Variants in CDH18 observed in about 807,000 individuals in gnomAD.
CDH18 encodes the protein cadherin 18.
Under a neutral mutation model 67.9 loss-of-function variants are expected in CDH18, and 31 were observed. The observed-to-expected ratio is 0.46, with a 90% CI of 0.34 to 0.62. The LOEUF (loss-of-function observed/expected upper bound fraction) is 0.62, where lower values mean the gene tolerates loss of function less well. CDH18 is among the 20% of genes least tolerant of loss of function. CDH18 has a pLI of 0.01. For missense variants in CDH18, 890 were observed against 975.5 expected, an observed-to-expected ratio of 0.91 and a Z score of 1.17; for synonymous variants, 362 against 347.2, an observed-to-expected ratio of 1.04 and a Z score of -0.48.
chr5:19,872,301 A>G (rs1233342146), intron 2 of CDH18, among the ~76,000 whole-genome samples: 2 of 152,170 alleles, frequency 1.3e-5, no homozygotes, highest in African/African-American at 2.4e-5. Context: ...ATACTTGTAT[A>G]TTCTCCTTCC....
intron 8 of CDH18, among the ~76,000 whole-genome samples, chr5:19,570,775 C>T (rs930919114): frequency 1.3e-5 from 2 of 152,170 alleles, no homozygotes; most frequent in Non-Finnish European, 2.9e-5. Flanking sequence ...GCATGATGTA[C>T]TAAACTAATA....
At chr5:19,948,007 G>A (rs1254958751) in intron 2 of CDH18, among the ~76,000 whole-genome samples, 2 of 152,134 alleles carry the variant, frequency 1.3e-5, no homozygotes, top group Non-Finnish European at 2.9e-5. Flanking sequence ...GCAATATACA[G>A]TGAGTACGTA....
chr5:20,201,365 A>T (rs1049329511), intron 2 of CDH18, among the ~76,000 whole-genome samples: 2 of 152,200 alleles, frequency 1.3e-5, no homozygotes, highest in Middle Eastern at 3.2e-3. Flanking sequence ...ATAAGGTCAC[A>T]TTCCTATTTA....
chr5:19,985,992 A>G (rs1047046425), intron 1 of CDH18, among the ~76,000 whole-genome samples: 1 of 152,180 alleles, frequency 6.6e-6, no homozygotes, highest in African/African-American at 2.4e-5. Flanking sequence ...TTAAATACAG[A>G]GCTGTTGGGA....
chr5:19,826,969 G>A (rs1227881866), intron 3 of CDH18, among the ~76,000 whole-genome samples: 22 of 152,042 alleles, frequency 1.4e-4, no homozygotes, highest in Admixed American at 1.2e-3. Flanking sequence ...TCAACTCCAC[G>A]CAGTCAAGAA....
At chr5:20,121,388 T>G (rs1202571853) in intron 2 of CDH18, among the ~76,000 whole-genome samples, 3 of 152,056 alleles carry the variant, frequency 2.0e-5, no homozygotes, top group Non-Finnish European at 2.9e-5. Flanking sequence ...AATGTGTAGA[T>G]TCATGACTTC....
chr5:20,270,159 A>T (rs904539825), intron 1 of CDH18, among the ~76,000 whole-genome samples: 2 of 117,250 alleles, frequency 1.7e-5, no homozygotes, highest in South Asian at 2.7e-4. Flanking sequence ...TTCTTTGTTT[A>T]AAAAAAAAAG....
chr5:19,764,558 T>A (rs541100863), intron 3 of CDH18, among the ~76,000 whole-genome samples: 1 of 151,766 alleles, frequency 6.6e-6, no homozygotes, highest in Non-Finnish European at 1.5e-5. Flanking sequence ...AAACTATGCT[T>A]TAATGACTTA....
At chr5:20,207,451 G>C (rs552075945) in intron 2 of CDH18, among the ~76,000 whole-genome samples, 1 of 152,010 alleles carries the variant, frequency 6.6e-6, no homozygotes, top group East Asian at 1.9e-4. Context: ...CAAGAGACTG[G>C]GCAATTTACA....
chr5:20,385,046 A>G (rs905941534), intron 1 of CDH18, among the ~76,000 whole-genome samples: 2 of 152,112 alleles, frequency 1.3e-5, no homozygotes, highest in African/African-American at 4.8e-5. Flanking sequence ...CATGTTGGCC[A>G]GGCTGGTCTC....
At chr5:20,183,887 A>G (rs1396069918) in intron 2 of CDH18, among the ~76,000 whole-genome samples, 2 of 152,138 alleles carry the variant, frequency 1.3e-5, no homozygotes, top group African/African-American at 2.4e-5. Context: ...TTTGAGTAAT[A>G]TTGATTTTAT....
intron 1 of CDH18, among the ~76,000 whole-genome samples, chr5:20,575,043 TATA>T (rs373442207): frequency 1.9e-4 from 29 of 151,938 alleles, no homozygotes; most frequent in African/African-American, 7.0e-4. Context: ...CTGCATAAAA[TATA>T]ATAACTGATA....
chr5:20,369,936 G>A (rs1010485238), intron 1 of CDH18, among the ~76,000 whole-genome samples: 2 of 152,042 alleles, frequency 1.3e-5, no homozygotes, highest in Admixed American at 6.6e-5. Flanking sequence ...GTAAACATGT[G>A]CTACGGTGGT....
At chr5:19,840,288 G>GAAAAAAAAAAAAAAAAAAAAAAAA (rs70954608) in intron 2 of CDH18, among the ~76,000 whole-genome samples, 2 of 128,056 alleles carry the variant, frequency 1.6e-5, no homozygotes, top group African/African-American at 3.0e-5. Flanking sequence ...AAAAAAAAAA[G>GAAAAAAAAAAAAAAAAAAAAAAAA]AAAAAAAAAA....
intron 2 of CDH18, among the ~76,000 whole-genome samples, chr5:19,939,773 G>A (rs1188794124): frequency 6.6e-6 from 1 of 151,678 alleles, no homozygotes; most frequent in Non-Finnish European, 1.5e-5. Context: ...ATTTCGATTT[G>A]TTAAATTGAG....
intron 2 of CDH18, among the ~76,000 whole-genome samples, chr5:19,962,378 C>CAAAAAAA (rs3065078): frequency 0.27 from 13,540 of 50,054 alleles, 1,513 homozygotes; most frequent in Admixed American, 0.34. Context: ...CGTCAAAAAG[C>CAAAAAAA]AAAAAAAAAA....
intron 2 of CDH18, among the ~76,000 whole-genome samples, chr5:19,863,188 C>T (rs1581693961): frequency 6.6e-6 from 1 of 151,678 alleles, no homozygotes; most frequent in South Asian, 2.1e-4. Flanking sequence ...AGTGTGAGAG[C>T]GGGATAAACT....
chr5:20,532,421 T>G (rs1258181993), intron 1 of CDH18, among the ~76,000 whole-genome samples: 1 of 152,124 alleles, frequency 6.6e-6, no homozygotes, highest in Non-Finnish European at 1.5e-5. Context: ...TAAAATAATT[T>G]GCCAGAAATA....
intron 4 of CDH18, among the ~76,000 whole-genome samples, chr5:19,741,186 C>CTATGTATA (rs1162345272): frequency 3.4e-5 from 5 of 147,198 alleles, no homozygotes; most frequent in Admixed American, 6.9e-5. Flanking sequence ...TATATGTCAT[C>CTATGTATA]TATGTATATA....
Sources: gnomAD v4.1 joint callset for allele counts (sites outside exome capture counted in the v4.1 genomes callset) on GRCh38, gnomAD v4.1.1 for gene constraint, MANE v1.5 for transcripts, NCBI Gene and HGNC (gene_info 2026-07-23, HGNC 2026-07-21) for gene names.